Variants in XKR9 observed in about 807,000 individuals in gnomAD.
The protein encoded by XKR9 is XK-related protein 9.
XKR9 carries 32 observed loss-of-function variants against 32.0 expected under a neutral mutation model. The observed-to-expected ratio is 1.00, with a 90% confidence interval of 0.76 to 1.34. The LOEUF (loss-of-function observed/expected upper bound fraction) is 1.34. XKR9 is among the 40% of genes most tolerant of loss of function. The pLI, the probability that XKR9 is intolerant of heterozygous loss-of-function variation, is 0.00. For missense variants in XKR9, 546 were observed against 429.7 expected (o/e 1.27, Z -2.39); for synonymous variants, 168 against 143.4 (o/e 1.17, Z -1.22).
chr8:70,897,027 C>A, the XKR9 span, among the ~76,000 whole-genome samples: 34 of 152,184 alleles, frequency 2.2e-4, no homozygotes, highest in African/African-American at 8.2e-4. Flanking sequence ...TTCTTCACCC[C>A]ATTCCCCACT....
chr8:70,742,160 C>T (rs553660837), intron 2 of XKR9, among the ~76,000 whole-genome samples: 3 of 152,254 alleles, frequency 2.0e-5, no homozygotes, highest in Admixed American at 1.3e-4. Context: ...TAAATAACTT[C>T]TGTAACTGAA....
the XKR9 span, among the ~76,000 whole-genome samples, chr8:70,942,382 G>A: frequency 6.6e-6 from 1 of 152,052 alleles, no homozygotes; most frequent in African/African-American, 2.4e-5. Flanking sequence ...AATTACCCTT[G>A]CAGCATGATG....
the XKR9 span, among the ~76,000 whole-genome samples, chr8:70,898,002 A>T: frequency 6.6e-6 from 1 of 152,192 alleles, no homozygotes; most frequent in Non-Finnish European, 1.5e-5. Context: ...AATGTCCTGA[A>T]GCTTTTCCCC....
the XKR9 span, among the ~76,000 whole-genome samples, chr8:70,811,067 G>T: frequency 6.6e-6 from 1 of 152,118 alleles, no homozygotes; most frequent in East Asian, 1.9e-4. Flanking sequence ...AAATGTAAAA[G>T]AACAGAAATT....
intron 4 of XKR9, among the ~76,000 whole-genome samples, chr8:70,726,742 G>C (rs971496230): frequency 6.6e-6 from 1 of 152,150 alleles, no homozygotes; most frequent in Non-Finnish European, 1.5e-5. Context: ...CATTTAGCTC[G>C]TTGACTTTCT....
the XKR9 span, among the ~76,000 whole-genome samples, chr8:70,831,900 T>C: frequency 3.9e-5 from 6 of 152,184 alleles, no homozygotes; most frequent in African/African-American, 1.4e-4. Context: ...CCTGCTTCCC[T>C]GGCAGGGATG....
At chr8:70,743,181 A>G (rs1807012746) in intron 2 of XKR9, among the ~76,000 whole-genome samples, 1 of 152,092 alleles carries the variant, frequency 6.6e-6, no homozygotes, top group South Asian at 2.1e-4. Flanking sequence ...TTAAGTTCAT[A>G]TAATGAATTT....
chr8:70,806,518 T>G, the XKR9 span, among the ~76,000 whole-genome samples: 3 of 152,130 alleles, frequency 2.0e-5, no homozygotes, highest in Non-Finnish European at 2.9e-5. Context: ...CTAAGAACCT[T>G]GATAAAGATT....
At chr8:70,788,060 CTT>C (rs1380332835) in intron 2 of XKR9, among the ~76,000 whole-genome samples, 3 of 152,012 alleles carry the variant, frequency 2.0e-5, no homozygotes, top group Non-Finnish European at 4.4e-5. Flanking sequence ...TGATAAATAA[CTT>C]AATTAATTTC....
chr8:71,034,175 A>G, the XKR9 span, among the ~76,000 whole-genome samples: 4 of 152,258 alleles, frequency 2.6e-5, no homozygotes, highest in Middle Eastern at 0.014. Flanking sequence ...TTAAATTGTA[A>G]TACCCATCTG....
intron 1 of XKR9, among the ~76,000 whole-genome samples, chr8:70,673,525 G>A (rs886662801): frequency 1.3e-5 from 2 of 152,062 alleles, no homozygotes; most frequent in Admixed American, 6.5e-5. Context: ...TTTTTTGGTC[G>A]GGTGTGGTGG....
At chr8:71,041,701 G>A in the XKR9 span, among the ~76,000 whole-genome samples, 1 of 152,020 alleles carries the variant, frequency 6.6e-6, no homozygotes, top group Admixed American at 6.6e-5. Flanking sequence ...GAGATCTGAT[G>A]GTTTAAAAGT....
At chr8:70,692,152 TTTTA>T (rs1805095744) in intron 3 of XKR9, among the ~76,000 whole-genome samples, 1 of 152,174 alleles carries the variant, frequency 6.6e-6, no homozygotes, top group Non-Finnish European at 1.5e-5. Context: ...TTCCTAGGTG[TTTTA>T]TTTTTTATTT....
intron 4 of XKR9, among the ~76,000 whole-genome samples, chr8:70,712,164 A>T (rs901036263): frequency 6.6e-6 from 1 of 152,170 alleles, no homozygotes; most frequent in Non-Finnish European, 1.5e-5. Flanking sequence ...AGCAGATTAG[A>T]AATATCAATA....
chr8:70,677,962 T>G (rs1025776943), intron 2 of XKR9: 3 of 152,236 alleles, frequency 2.0e-5, no homozygotes, highest in Non-Finnish European at 4.4e-5. Flanking sequence ...GTATACACAT[T>G]AAACATATCC....
At chr8:70,740,317 A>G (rs919655922), downstream of XKR9, among the ~76,000 whole-genome samples, 70 of 152,208 alleles carry the variant, frequency 4.6e-4, no homozygotes, top group South Asian at 6.6e-3. Context: ...TTTCAGCTCC[A>G]TCAGCTCCTT....
chr8:70,994,941 G>A, the XKR9 span, among the ~76,000 whole-genome samples: 1 of 152,082 alleles, frequency 6.6e-6, no homozygotes, highest in Non-Finnish European at 1.5e-5. Context: ...ACTATATGGG[G>A]GAACTAATGT....
chr8:70,954,045 A>T, the XKR9 span, among the ~76,000 whole-genome samples: 47,734 of 151,706 alleles, frequency 0.31, 9,025 homozygotes, highest in Non-Finnish European at 0.43. Flanking sequence ...AATTTTTTTT[A>T]AAAAAAAACT....
chr8:70,924,583 C>A, the XKR9 span, among the ~76,000 whole-genome samples: 1 of 152,172 alleles, frequency 6.6e-6, no homozygotes, highest in Non-Finnish European at 1.5e-5. Context: ...TCCTGTACCT[C>A]TCTGTCTGGA....
Sources: allele counts gnomAD v4.1 joint callset (sites outside exome capture counted in the v4.1 genomes callset), GRCh38; gene constraint gnomAD v4.1.1; transcripts MANE v1.5; gene names NCBI Gene and HGNC (gene_info 2026-07-23, HGNC 2026-07-21).